Variants in NEK11 observed in about 807,000 individuals in gnomAD.
NEK11 encodes NIMA related kinase 11, also known as serine/threonine-protein kinase Nek11.
Under a neutral mutation model 80.7 loss-of-function variants are expected in NEK11, and 72 were observed. That is an observed-to-expected ratio of 0.89 (90% CI 0.74 to 1.08). The LOEUF is 1.08. NEK11 is among the 50% of genes least tolerant of loss of function. The probability of loss-of-function intolerance (pLI) is 0.00; values close to 1 mark genes in which losing one functional copy is unlikely to be tolerated. For synonymous variants in NEK11, 251 were observed against 260.7 expected (o/e 0.96, Z 0.36); for missense variants, 764 against 763.6 (o/e 1.00, Z -0.01).
intron 15 of NEK11, among the ~76,000 whole-genome samples, chr3:131,231,228 G>T (rs528159316): frequency 7.1e-5 from 10 of 140,796 alleles, no homozygotes; most frequent in African/African-American, 2.9e-4. Context: ...TTGAGACAGT[G>T]TCTCGCTCTG....
intron 17 of NEK11, among the ~76,000 whole-genome samples, chr3:131,343,644 C>G (rs2097318566): frequency 1.3e-5 from 2 of 152,188 alleles, no homozygotes; most frequent in Admixed American, 1.3e-4. Context: ...TGCTTCCAAG[C>G]CACTTTCACT....
At chr3:131,279,656 T>C (rs1310720704) in intron 17 of NEK11, among the ~76,000 whole-genome samples, 1 of 152,198 alleles carries the variant, frequency 6.6e-6, no homozygotes, top group Non-Finnish European at 1.5e-5. Flanking sequence ...TCTGTCCCTA[T>C]AGTTTTTCCT....
intron 17 of NEK11, among the ~76,000 whole-genome samples, chr3:131,345,970 A>G (rs1034225621): frequency 6.8e-6 from 1 of 147,300 alleles, no homozygotes. Context: ...TGGAATATTT[A>G]AAAAAAAAAA....
At chr3:131,170,445 T>C (rs1438511303) in intron 13 of NEK11, among the ~76,000 whole-genome samples, 1 of 152,174 alleles carries the variant, frequency 6.6e-6, no homozygotes, top group Non-Finnish European at 1.5e-5. Context: ...TGGAACACCA[T>C]AGGTGCCAAA....
At chr3:131,239,814 T>TTTCA (rs139825448) in intron 15 of NEK11, among the ~76,000 whole-genome samples, 7,418 of 151,944 alleles carry the variant, frequency 0.049, 376 homozygotes, top group African/African-American at 0.13. Flanking sequence ...GCTAGGTAGC[T>TTTCA]TTCATTCATT....
chr3:131,224,778 C>G (rs1008770762), intron 14 of NEK11, among the ~76,000 whole-genome samples: 9 of 151,750 alleles, frequency 5.9e-5, no homozygotes, highest in African/African-American at 2.2e-4. Context: ...ATGTTTGTGT[C>G]TTCATTTTTA....
At chr3:131,195,026 G>C (rs992891333) in intron 14 of NEK11, among the ~76,000 whole-genome samples, 6 of 152,096 alleles carry the variant, frequency 3.9e-5, no homozygotes, top group Admixed American at 6.6e-5. Context: ...GTTGCCCAAC[G>C]CTGAGGAGCC....
chr3:131,058,181 C>T (rs1430252166), intron 3 of NEK11, among the ~76,000 whole-genome samples: 1 of 152,082 alleles, frequency 6.6e-6, no homozygotes, highest in Non-Finnish European at 1.5e-5. Context: ...TCAGGTTTGT[C>T]AAAGATCAGA....
intron 14 of NEK11, among the ~76,000 whole-genome samples, chr3:131,199,049 G>A (rs908577087): frequency 2.6e-5 from 4 of 152,108 alleles, no homozygotes; most frequent in Non-Finnish European, 5.9e-5. Flanking sequence ...AACCTGCTAT[G>A]AGCAGAGCTG....
At chr3:131,202,406 T>A (rs1468630403) in intron 14 of NEK11, among the ~76,000 whole-genome samples, 1 of 152,112 alleles carries the variant, frequency 6.6e-6, no homozygotes, top group Non-Finnish European at 1.5e-5. Flanking sequence ...ACTGCACTTT[T>A]ACAATGGTCT....
chr3:131,275,010 G>A (rs1389772097), intron 17 of NEK11, among the ~76,000 whole-genome samples: 1 of 152,134 alleles, frequency 6.6e-6, no homozygotes, highest in Non-Finnish European at 1.5e-5. Flanking sequence ...ATCTCATTGT[G>A]GTTTTGATTT....
At chr3:131,088,069 AG>A (rs1394386350) in intron 4 of NEK11, 3 of 152,252 alleles carry the variant, frequency 2.0e-5, no homozygotes, top group Admixed American at 6.5e-5. Flanking sequence ...TGCTGATTGA[AG>A]GAACTAAGCA....
At chr3:131,153,674 A>G (rs1442657248) in intron 9 of NEK11, among the ~76,000 whole-genome samples, 1 of 152,186 alleles carries the variant, frequency 6.6e-6, no homozygotes, top group Non-Finnish European at 1.5e-5. Context: ...AGCAAAGGTG[A>G]TAAATGATGT....
chr3:131,291,574 G>A (rs2096543925), intron 17 of NEK11, among the ~76,000 whole-genome samples: 1 of 152,174 alleles, frequency 6.6e-6, no homozygotes, highest in Non-Finnish European at 1.5e-5. Flanking sequence ...CTCCAGCAAT[G>A]AGTGAGAGTT....
chr3:131,345,318 T>C (rs1348817246), intron 17 of NEK11, among the ~76,000 whole-genome samples: 1 of 152,192 alleles, frequency 6.6e-6, no homozygotes, highest in Non-Finnish European at 1.5e-5. Flanking sequence ...ATATCCAAAA[T>C]TTATAAAAAC....
At chr3:131,329,895 A>C (rs1224854940) in intron 17 of NEK11, 1 of 152,260 alleles carries the variant, frequency 6.6e-6, no homozygotes, top group Non-Finnish European at 1.5e-5. Context: ...ATTGTATACC[A>C]CTGGAAAGAC....
intron 7 of NEK11, among the ~76,000 whole-genome samples, chr3:131,146,050 T>C (rs1031354768): frequency 1.3e-5 from 2 of 152,064 alleles, no homozygotes; most frequent in African/African-American, 4.8e-5. Context: ...ATGTTCTGGA[T>C]CAGGGGTTGT....
intron 14 of NEK11, among the ~76,000 whole-genome samples, chr3:131,214,272 G>A (rs913879576): frequency 4.6e-5 from 7 of 152,176 alleles, no homozygotes; most frequent in Non-Finnish European, 7.3e-5. Flanking sequence ...TTCAGGCTCT[G>A]GTTTTAAGGT....
At chr3:131,064,995 A>G (rs1158355462) in intron 3 of NEK11, among the ~76,000 whole-genome samples, 1 of 152,226 alleles carries the variant, frequency 6.6e-6, no homozygotes, top group East Asian at 1.9e-4. Flanking sequence ...GCGGAATAGC[A>G]TAAGTGAAGG....
Sources: gnomAD v4.1 joint callset for allele counts (sites outside exome capture counted in the v4.1 genomes callset) on GRCh38, gnomAD v4.1.1 for gene constraint, MANE v1.5 for transcripts, NCBI Gene and HGNC (gene_info 2026-07-23, HGNC 2026-07-21) for gene names.